TMEM132D: variants seen among roughly 807,000 people sequenced by gnomAD.
TMEM132D encodes mature OL transmembrane protein.
Under a neutral mutation model 62.3 loss-of-function variants are expected in TMEM132D, and 21 were observed. The ratio of observed to expected loss-of-function variants is 0.34; its 90% CI spans 0.24 to 0.49. The LOEUF (loss-of-function observed/expected upper bound fraction) is 0.49. Ranked by LOEUF, TMEM132D falls within the 20% of genes least tolerant of loss-of-function variation. TMEM132D has a pLI of 0.99. For synonymous variants in TMEM132D, 621 were observed against 575.6 expected (o/e 1.08, Z -1.13); for missense variants, 1,346 against 1,402.8 (o/e 0.96, Z 0.65).
chr12:129,517,572 G>A (rs1370657434), intron 3 of TMEM132D, among the ~76,000 whole-genome samples: 3 of 152,178 alleles, frequency 2.0e-5, no homozygotes, highest in Non-Finnish European at 2.9e-5. Flanking sequence ...TGACCCCTGA[G>A]TGGGGTGGAC....
intron 3 of TMEM132D, among the ~76,000 whole-genome samples, chr12:129,475,714 C>T (rs1173392808): frequency 3.9e-5 from 6 of 152,156 alleles, no homozygotes; most frequent in Admixed American, 3.3e-4. Context: ...TATAACAAAG[C>T]AATGTGCATC....
intron 5 of TMEM132D, among the ~76,000 whole-genome samples, chr12:129,194,766 T>C (rs1363506215): frequency 6.6e-6 from 1 of 152,226 alleles, no homozygotes; most frequent in Non-Finnish European, 1.5e-5. Flanking sequence ...GCAGTGAGTA[T>C]ACAGGTGTCT....
At chr12:129,416,880 C>T (rs1331471242) in intron 3 of TMEM132D, among the ~76,000 whole-genome samples, 1 of 152,060 alleles carries the variant, frequency 6.6e-6, no homozygotes, top group Non-Finnish European at 1.5e-5. Context: ...GCCTTGCATC[C>T]CAGGGGTGAA....
intron 4 of TMEM132D, among the ~76,000 whole-genome samples, chr12:129,236,044 C>T (rs1457151111): frequency 1.3e-5 from 2 of 151,492 alleles, no homozygotes; most frequent in Non-Finnish European, 2.9e-5. Context: ...TTACAGTTCT[C>T]AGTGTACAGA....
intron 1 of TMEM132D, among the ~76,000 whole-genome samples, chr12:129,811,385 T>C (rs1157030294): frequency 1.3e-5 from 2 of 151,550 alleles, no homozygotes. Flanking sequence ...CCTCCATCCC[T>C]CACTACCCAA....
In TMEM132D at chr12:129,477,169, C is replaced by T. The variant is rs78161038; in HGVS notation, c.1115+53890G>A. Among the ~76,000 whole-genome samples, 661 of 152,294 alleles carry T rather than the reference C, an allele frequency of 4.3e-3. 6 individuals are homozygous for T. The highest frequency in any genetic ancestry group is 0.015 in the African/African-American group (625 of 41,556). ...ACCCATGAGATGCCAGCAGCAACCC[C>T]GTCTCCTTGGTCGTGACAATGAAAA... On this transcript the variant is annotated intron_variant, in intron 3 of 8. Transcript: ENST00000422113.
intron 2 of TMEM132D, among the ~76,000 whole-genome samples, chr12:129,541,373 A>G: frequency 6.6e-6 from 1 of 152,184 alleles, no homozygotes; most frequent in East Asian, 1.9e-4. Context: ...TAAATATTTT[A>G]CAAATTGTTA....
intron 2 of TMEM132D, among the ~76,000 whole-genome samples, chr12:129,646,799 CA>C (rs1298174212): frequency 6.8e-4 from 66 of 97,774 alleles, no homozygotes; most frequent in South Asian, 1.8e-3. Context: ...AAATAACATG[CA>C]TTTTTTTTTT....
chr12:129,099,970 T>C (rs7486342), intron 5 of TMEM132D, among the ~76,000 whole-genome samples: 88,348 of 128,622 alleles, frequency 0.69, 30,964 homozygotes, highest in African/African-American at 0.84. Flanking sequence ...GGACTACAGG[T>C]GCCCGCCACT....
intron 1 of TMEM132D, among the ~76,000 whole-genome samples, chr12:129,721,243 C>T (rs570263547): frequency 6.6e-6 from 1 of 152,268 alleles, no homozygotes; most frequent in East Asian, 1.9e-4. Flanking sequence ...AGGAGGCTGG[C>T]CCGGTGTTCC....
At chr12:129,773,312 A>G (rs1870817474) in intron 1 of TMEM132D, among the ~76,000 whole-genome samples, 1 of 152,234 alleles carries the variant, frequency 6.6e-6, no homozygotes, top group African/African-American at 2.4e-5. Flanking sequence ...GAACACAAAC[A>G]GGTAGACAGC....
intron 5 of TMEM132D, among the ~76,000 whole-genome samples, chr12:129,100,805 C>A (rs1255783310): frequency 2.0e-5 from 3 of 152,202 alleles, no homozygotes; most frequent in Admixed American, 1.3e-4. Flanking sequence ...CAGTAACTTT[C>A]TTTTATGCAA....
intron 1 of TMEM132D, among the ~76,000 whole-genome samples, chr12:129,868,509 G>A (rs1179716835): frequency 6.6e-6 from 1 of 152,168 alleles, no homozygotes; most frequent in East Asian, 1.9e-4. Flanking sequence ...CCCCCTAGAA[G>A]ACATAATCGT....
chr12:129,729,447 C>T (rs941233321), intron 1 of TMEM132D, among the ~76,000 whole-genome samples: 2 of 152,198 alleles, frequency 1.3e-5, no homozygotes, highest in Non-Finnish European at 2.9e-5. Context: ...CCAGTCATGA[C>T]AATCAAAATG....
intron 2 of TMEM132D, among the ~76,000 whole-genome samples, chr12:129,664,931 A>C (rs1793927440): frequency 6.6e-6 from 1 of 152,178 alleles, no homozygotes; most frequent in Non-Finnish European, 1.5e-5. Flanking sequence ...AGCTGTATGC[A>C]TTCACCACCA....
chr12:129,288,641 T>C (rs12315751), intron 4 of TMEM132D, among the ~76,000 whole-genome samples: 8,288 of 152,264 alleles, frequency 0.054, 427 homozygotes, highest in East Asian at 0.25. Flanking sequence ...TGATCCCTTG[T>C]ACACTCTTGG....
intron 2 of TMEM132D, among the ~76,000 whole-genome samples, chr12:129,687,731 G>A (rs907010930): frequency 1.3e-5 from 2 of 152,078 alleles, no homozygotes; most frequent in African/African-American, 2.4e-5. Context: ...TTAGGCTTCC[G>A]AGGTCTAGGG....
intron 2 of TMEM132D, among the ~76,000 whole-genome samples, chr12:129,609,767 C>G (rs566819124): frequency 6.6e-6 from 1 of 152,326 alleles, no homozygotes; most frequent in Admixed American, 6.5e-5. Context: ...CTGCCCTGGA[C>G]AGCAACGTGG....
rs1425539319 is a variant in TMEM132D, at chr12:129,807,535, CCTCT to C, written c.79+95722_79+95725del. Among the ~76,000 whole-genome samples the C allele has an allele frequency of 4.6e-5, 7 of 152,288 alleles. No homozygotes were observed. In the Middle Eastern group the frequency reaches 0.01, roughly 222 times the overall value. On this transcript the variant is annotated intron_variant, in intron 1 of 8. Coordinates refer to ENST00000422113, the MANE Select transcript of TMEM132D (RefSeq NM_133448.3). The stretch of plus-strand genomic sequence containing the variant: ...TCCACTGGCCACATGCTGTAGTTCT[CCTCT>C]CTCTAAGATGCTCATGTATAAACTG...
Sources: gnomAD v4.1 joint callset for allele counts (sites outside exome capture counted in the v4.1 genomes callset) on GRCh38, gnomAD v4.1.1 for gene constraint, MANE v1.5 for transcripts, NCBI Gene and HGNC (gene_info 2026-07-23, HGNC 2026-07-21) for gene names.